NEK10: variants seen among roughly 807,000 people sequenced by gnomAD.
The protein encoded by NEK10 is serine/threonine-protein kinase Nek10.
In NEK10, 122 loss-of-function variants were observed where a neutral mutation model predicts 159.8. That is an observed-to-expected ratio of 0.76 (90% CI 0.66 to 0.89). NEK10 has a LOEUF of 0.89. NEK10 is among the 40% of genes least tolerant of loss of function. The pLI, the probability that NEK10 is intolerant of heterozygous loss-of-function variation, is 0.00. For synonymous variants in NEK10, 466 were observed against 457.1 expected, an observed-to-expected ratio of 1.02 and a Z score of -0.25; for missense variants, 1,342 against 1,323.1, an observed-to-expected ratio of 1.01 and a Z score of -0.22.
rs550984133 is a variant in NEK10 at position 27,275,265 on chromosome 3, T to A, written c.2014+9337A>T. The stretch of plus-strand genomic sequence containing the variant: ...AATATAGAATCTGAGAAATGCAGAA[T>A]GACCCACCAAAGGTGTAAGAATCTT... On this transcript the variant is annotated intron_variant, in intron 22 of 35. Transcript: ENST00000691995. Among the ~76,000 whole-genome samples, 8 of 152,356 alleles carry A rather than the reference T, an allele frequency of 5.3e-5. No individual in the cohort carries two copies. The East Asian group carries it at 1.5e-3, about 29-fold the overall frequency.
chr3:27,237,284 T>C (rs894082767), intron 23 of NEK10, among the ~76,000 whole-genome samples: 4 of 152,142 alleles, frequency 2.6e-5, no homozygotes, highest in Admixed American at 1.3e-4. Context: ...GTTTGTACAA[T>C]AGTGGTCCTG....
intron 30 of NEK10, among the ~76,000 whole-genome samples, chr3:27,149,512 G>T (rs1381223990): frequency 6.6e-6 from 1 of 152,058 alleles, no homozygotes; most frequent in Non-Finnish European, 1.5e-5. Context: ...TTCATTATTA[G>T]ATCTGTTGTG....
intron 5 of NEK10, among the ~76,000 whole-genome samples, chr3:27,341,017 T>C (rs1016261748): frequency 3.3e-5 from 5 of 151,894 alleles, no homozygotes; most frequent in Non-Finnish European, 5.9e-5. Context: ...TATTTGGCCA[T>C]AAAAAAGAAA....
Position 27,301,794 on chromosome 3 carries a change from A to G in NEK10, c.1070T>C (p.Leu357Pro). ...FVSDHSSIGS[L>P]SSANAAGRIQ... ...TCGGCCTGCAGCATTTGCACTGGAC[A>G]GGCTTCCAATGGAGGAGTGATCAGA... The change falls in exon 13 of 36, where the codon CTG becomes CCG. Residue 357 changes from leucine (L) to proline (P), a missense_variant. Coordinates refer to ENST00000691995, the MANE Select transcript of NEK10 (RefSeq NM_001394966.1). 1 of 1,556,444 alleles carries G rather than the reference A, an allele frequency of 6.4e-7. No homozygotes were observed. The highest frequency in any genetic ancestry group is 8.7e-7 in the Non-Finnish European group (1 of 1,149,242).
chr3:27,293,514 C>T, intron 16 of NEK10, 74 bp downstream of exon 16: 1 of 724,508 alleles, frequency 1.4e-6, no homozygotes, highest in Non-Finnish European at 2.3e-6. Context: ...TGCATCTAAG[C>T]CAAGTATGTG....
intron 31 of NEK10, among the ~76,000 whole-genome samples, chr3:27,139,617 G>A (rs1218528944): frequency 6.6e-6 from 1 of 152,164 alleles, no homozygotes; most frequent in Non-Finnish European, 1.5e-5. Context: ...ATGGGTGCAC[G>A]TACTACAGAC....
At chr3:27,253,813 G>T (rs1164730203) in intron 23 of NEK10, among the ~76,000 whole-genome samples, 1 of 152,116 alleles carries the variant, frequency 6.6e-6, no homozygotes, top group African/African-American at 2.4e-5. Flanking sequence ...AAAAATTAAT[G>T]AAAATAAGAA....
intron 22 of NEK10, among the ~76,000 whole-genome samples, chr3:27,283,248 T>C (rs141140457): frequency 1.2e-4 from 18 of 152,298 alleles, no homozygotes; most frequent in Non-Finnish European, 2.1e-4. Context: ...TGTTGTCATA[T>C]GACATCAATG....
intron 7 of NEK10, among the ~76,000 whole-genome samples, chr3:27,313,092 T>C (rs1358529765): frequency 2.2e-5 from 3 of 134,276 alleles, no homozygotes; most frequent in Non-Finnish European, 4.8e-5. Context: ...CTGTCTCTAC[T>C]AAAAATACAA....
Position 27,350,180 on chromosome 3 carries a change from T to C in NEK10, c.132+2285A>G, listed in dbSNP as rs1054920570. Reference sequence around the variant, plus strand: ...TTAATCACAGGTTTCACTTTTCAAATTGAGTACTGAAAATCTCCGAACCAA... The same window carrying C: ...TTAATCACAGGTTTCACTTTTCAAACTGAGTACTGAAAATCTCCGAACCAA... On this transcript the variant is annotated intron_variant, in intron 3 of 35. Transcript: ENST00000691995. Among the ~76,000 whole-genome samples the C allele has an allele frequency of 3.3e-5, 5 of 152,276 alleles. No individual in the cohort carries two copies. In the South Asian group the frequency reaches 1.0e-3, roughly 32 times the overall value.
chr3:27,181,224 C>T (rs566021027), intron 26 of NEK10, among the ~76,000 whole-genome samples: 13 of 151,552 alleles, frequency 8.6e-5, no homozygotes, highest in Admixed American at 2.0e-4. Context: ...TAATAGCCTA[C>T]TGCTTACTAG....
intron 11 of NEK10, among the ~76,000 whole-genome samples, chr3:27,306,367 C>T (rs916270358): frequency 6.6e-6 from 1 of 152,144 alleles, no homozygotes; most frequent in African/African-American, 2.4e-5. Flanking sequence ...TTCCCCTGAG[C>T]TGATTACCTA....
intron 23 of NEK10, among the ~76,000 whole-genome samples, chr3:27,235,202 C>G (rs1328294236): frequency 1.3e-5 from 2 of 151,898 alleles, no homozygotes; most frequent in African/African-American, 4.8e-5. Context: ...GACATAGGCA[C>G]TGACAAAGAT....
intron 23 of NEK10, among the ~76,000 whole-genome samples, chr3:27,214,157 C>A (rs1393023964): frequency 2.0e-5 from 3 of 152,220 alleles, no homozygotes; most frequent in African/African-American, 7.2e-5. Flanking sequence ...ACGCCACTTG[C>A]TTCAAGTTGT....
intron 6 of NEK10, among the ~76,000 whole-genome samples, chr3:27,316,018 G>A (rs1023051658): frequency 2.0e-5 from 3 of 152,188 alleles, no homozygotes; most frequent in South Asian, 4.1e-4. Flanking sequence ...CTGTAATTCC[G>A]AGAGAAGCAG....
intron 1 of NEK10, among the ~76,000 whole-genome samples, chr3:27,357,961 G>C (rs988725932): frequency 6.6e-6 from 1 of 152,170 alleles, no homozygotes; most frequent in African/African-American, 2.4e-5. Flanking sequence ...CTTCTCTGGG[G>C]TTCTGCATAC....
At chr3:27,313,557 C>T (rs2044881665) in intron 7 of NEK10, among the ~76,000 whole-genome samples, 1 of 152,124 alleles carries the variant, frequency 6.6e-6, no homozygotes, top group Admixed American at 6.5e-5. Context: ...ACTCAGGAGG[C>T]TGAAGCAGGA....
intron 23 of NEK10, among the ~76,000 whole-genome samples, chr3:27,237,701 T>C (rs535923161): frequency 6.6e-6 from 1 of 152,008 alleles, no homozygotes; most frequent in South Asian, 2.1e-4. Flanking sequence ...AGACTATATA[T>C]TGGATAGAGT....
chr3:27,107,552 GTA>G lies in NEK10; in HGVS notation c.*3718_*3719del, dbSNP rs1939119852. Among the ~76,000 whole-genome samples the G allele has an allele frequency of 6.6e-6, 1 of 152,146 alleles. No individual in the cohort carries two copies. The highest frequency in any genetic ancestry group is 2.4e-5 in the African/African-American group (1 of 41,430). ...ATTTAATCTCAAAGATATCATGTAA[GTA>G]TATATGAAATTCATTTATTACATTT... On this transcript the variant is annotated 3_prime_UTR_variant, in exon 36 of 36. Transcript: ENST00000691995.
Sources: gnomAD v4.1 joint callset for allele counts (sites outside exome capture counted in the v4.1 genomes callset) on GRCh38, gnomAD v4.1.1 for gene constraint, MANE v1.5 for transcripts, NCBI Gene and HGNC (gene_info 2026-07-23, HGNC 2026-07-21) for gene names.